The following PCBP3 variants were observed in gnomAD, a reference collection of about 807,000 sequenced individuals.
PCBP3 encodes poly(rC)-binding protein 3.
A neutral mutation model predicts 52.7 loss-of-function variants in PCBP3; 25 were observed. The observed-to-expected ratio is 0.47, with a 90% CI of 0.35 to 0.66. The LOEUF (loss-of-function observed/expected upper bound fraction) is 0.66, where lower values mean the gene tolerates loss of function less well. PCBP3 is among the 30% of genes least tolerant of loss of function. The pLI is 0.01. For missense variants in PCBP3, 391 were observed against 490.3 expected, an observed-to-expected ratio of 0.80 and a Z score of 1.91; for synonymous variants, 162 against 183.0, an observed-to-expected ratio of 0.89 and a Z score of 0.93.
intron 4 of PCBP3, among the ~76,000 whole-genome samples, chr21:45,808,178 G>A (rs948067303): frequency 7.2e-5 from 11 of 152,264 alleles, no homozygotes; most frequent in South Asian, 4.2e-4. Flanking sequence ...GGCAACAAAA[G>A]CCAAAATTGA....
chr21:45,809,530 G>T (rs553200542), intron 4 of PCBP3, among the ~76,000 whole-genome samples: 1 of 152,204 alleles, frequency 6.6e-6, no homozygotes, highest in Admixed American at 6.5e-5. Flanking sequence ...AGCCTGGGCC[G>T]GCTGCTGCGT....
chr21:45,804,081 G>A (rs1248642813), intron 4 of PCBP3, among the ~76,000 whole-genome samples: 1 of 152,194 alleles, frequency 6.6e-6, no homozygotes, highest in Non-Finnish European at 1.5e-5. Context: ...GCCTGGAACA[G>A]GAGGCCCAGC....
chr21:45,763,548 A>G (rs2088941811), intron 4 of PCBP3: 1 of 152,222 alleles, frequency 6.6e-6, no homozygotes, highest in South Asian at 2.1e-4. Flanking sequence ...GTTCACTGCA[A>G]AGTTTTTTTT....
intron 4 of PCBP3, among the ~76,000 whole-genome samples, chr21:45,779,654 T>C (rs1295512958): frequency 6.6e-6 from 1 of 152,214 alleles, no homozygotes; most frequent in African/African-American, 2.4e-5. Context: ...ACAAGAGATG[T>C]TCAACACTTG....
chr21:45,769,700 T>C (rs1254545821), intron 4 of PCBP3, among the ~76,000 whole-genome samples: 2 of 152,360 alleles, frequency 1.3e-5, no homozygotes, highest in East Asian at 3.9e-4. Flanking sequence ...AGTCCTGCAT[T>C]TCTGCCTTGC....
chr21:45,807,481 A>G (rs56256701), intron 4 of PCBP3, among the ~76,000 whole-genome samples: 6 of 152,164 alleles, frequency 3.9e-5, no homozygotes, highest in Non-Finnish European at 5.9e-5. Flanking sequence ...TTACAGGGGA[A>G]GTGAAGGACC....
At chr21:45,901,201 A>T in intron 9 of PCBP3, 88 bp downstream of exon 9, 2 of 917,238 alleles carry the variant, frequency 2.2e-6, no homozygotes, top group Non-Finnish European at 3.6e-6. Context: ...CTACACCTGG[A>T]CTAGGGGATG....
chr21:45,801,618 C>T (rs2092307006), intron 4 of PCBP3, among the ~76,000 whole-genome samples: 1 of 148,304 alleles, frequency 6.7e-6, no homozygotes, highest in South Asian at 2.3e-4. Context: ...CCCGCCTTCA[C>T]AGCCGCACTT....
chr21:45,733,300 A>C (rs989816546), intron 2 of PCBP3, among the ~76,000 whole-genome samples: 14 of 151,986 alleles, frequency 9.2e-5, no homozygotes, highest in African/African-American at 3.1e-4. Context: ...TTATGTATTT[A>C]TTTTTTGAGA....
chr21:45,825,399 C>T (rs1603444864), intron 4 of PCBP3, among the ~76,000 whole-genome samples: 1 of 152,070 alleles, frequency 6.6e-6, no homozygotes, highest in African/African-American at 2.4e-5. Flanking sequence ...TCCCCGCCGC[C>T]GTGGAGAGCC....
intron 17 of PCBP3, among the ~76,000 whole-genome samples, chr21:45,940,728 G>A (rs1358639248): frequency 5.4e-5 from 7 of 130,100 alleles, no homozygotes; most frequent in South Asian, 2.3e-4. Flanking sequence ...CCCCACCCCC[G>A]CCAAGCACAC....
intron 5 of PCBP3, chr21:45,893,861 C>A: frequency 2.0e-6 from 2 of 985,416 alleles, no homozygotes; most frequent in Non-Finnish European, 2.4e-6. Context: ...GTGGTCCGAG[C>A]ATGGGCTGCT....
chr21:45,909,831 C>A (rs2096307624), intron 10 of PCBP3, among the ~76,000 whole-genome samples: 1 of 108,324 alleles, frequency 9.2e-6, no homozygotes, highest in Non-Finnish European at 1.9e-5. Flanking sequence ...CCCGGCCCAC[C>A]CACTGCCCAG....
rs11089032 is a variant in PCBP3 at position 45,942,156 on chromosome 21, C to T, written c.*450C>T. ...ATGCTGACTCGGTTTCCCCTCAGAGCCATTGTTGTCTGGGCTCGAGTTTCT... is the reference window on the plus strand; with the variant it reads ...ATGCTGACTCGGTTTCCCCTCAGAGTCATTGTTGTCTGGGCTCGAGTTTCT... On this transcript the variant is annotated 3_prime_UTR_variant, in exon 18 of 18. Coordinates refer to ENST00000681687, the MANE Select transcript of PCBP3 (RefSeq NM_001384156.1). The T allele has an allele frequency of 0.065, 10,235 of 156,804 alleles. 445 individuals are homozygous for T. Among genetic ancestry groups the T allele is most frequent in the Non-Finnish European group, 0.092 (6,546 of 71,196 alleles). 9.7% of individuals were successfully genotyped at this position (156,804 alleles called of 1,614,324 possible).
intron 11 of PCBP3, among the ~76,000 whole-genome samples, chr21:45,913,070 G>T (rs1465215292): frequency 2.6e-5 from 4 of 152,002 alleles, no homozygotes; most frequent in Non-Finnish European, 5.9e-5. Context: ...CTTCCTGCTG[G>T]ACCAACCCCA....
chr21:45,743,837 G>T (rs1369227390), intron 3 of PCBP3, among the ~76,000 whole-genome samples: 1 of 151,896 alleles, frequency 6.6e-6, no homozygotes, highest in Non-Finnish European at 1.5e-5. Context: ...TTTGAGAATT[G>T]TCCCATGTTT....
chr21:45,896,213 G>C lies in PCBP3; in HGVS notation c.16G>C (p.Ala6Pro). The C allele has an allele frequency of 6.4e-7, 1 of 1,551,650 alleles. No individual in the cohort carries two copies. Among genetic ancestry groups the C allele is most frequent in the South Asian group, 1.2e-5 (1 of 84,032 alleles). ...GCTGTGCCTTCTCTCTCCAGGTGAC[G>C]CCTTCTGGGCCCCATCTGTCCTTCC... is the stretch of plus-strand genomic sequence containing the variant. MGEGD[A>P]FWAPSVLPHS... Residue 6 changes from alanine to proline, a missense_variant, in exon 6 of 18, where the codon GCC (alanine) becomes CCC (proline). By Grantham distance (27) the Ala-to-Pro change is conservative (BLOSUM62 -1). Transcript: ENST00000681687.
intron 4 of PCBP3, among the ~76,000 whole-genome samples, chr21:45,786,475 G>T (rs1264970896): frequency 6.6e-6 from 1 of 152,060 alleles, no homozygotes; most frequent in Admixed American, 6.6e-5. Flanking sequence ...ATTTTTAGTA[G>T]AGATGGGGTT....
rs550866742 is a variant in PCBP3, at chr21:45,743,976, G to A, written c.-162+8547G>A. ...TGCTAAGCCTGGAGCCTATTTTGGAGACTGATTTTTTAGTGTCTATATAAT... is the reference window on the plus strand; with the variant it reads ...TGCTAAGCCTGGAGCCTATTTTGGAAACTGATTTTTTAGTGTCTATATAAT... On this transcript the variant is annotated intron_variant, in intron 3 of 17. Transcript: ENST00000681687. Among the ~76,000 whole-genome samples, 6 of 152,078 alleles carry A rather than the reference G, an allele frequency of 3.9e-5. No individual in the cohort carries two copies. In the South Asian group the frequency reaches 1.2e-3, roughly 32 times the overall value.
Sources: gnomAD v4.1 joint callset for allele counts (sites outside exome capture counted in the v4.1 genomes callset) on GRCh38, gnomAD v4.1.1 for gene constraint, MANE v1.5 for transcripts, NCBI Gene and HGNC (gene_info 2026-07-23, HGNC 2026-07-21) for gene names.